CNTNAP2: variants seen among roughly 807,000 people sequenced by gnomAD.
CNTNAP2 encodes contactin-associated protein-like 2.
A neutral mutation model predicts 155.2 loss-of-function variants in CNTNAP2; 98 were observed. The observed-to-expected ratio is 0.63, with a 90% CI of 0.54 to 0.75. The LOEUF is 0.75. Among genes scored for constraint, CNTNAP2 ranks in the 30% least tolerant of loss-of-function variants. CNTNAP2 has a pLI of 0.00. For missense variants in CNTNAP2, 1,727 were observed against 1,688.1 expected (o/e 1.02, Z -0.40); for synonymous variants, 651 against 631.2 (o/e 1.03, Z -0.47).
intron 1 of CNTNAP2, among the ~76,000 whole-genome samples, chr7:146,657,174 G>A (rs1318350991): frequency 6.6e-6 from 1 of 152,130 alleles, no homozygotes; most frequent in Non-Finnish European, 1.5e-5. Context: ...ATTTGGGCTT[G>A]ACTTCTAACA....
intron 13 of CNTNAP2, among the ~76,000 whole-genome samples, chr7:147,813,482 C>A (rs1247222775): frequency 6.6e-6 from 1 of 152,172 alleles, no homozygotes; most frequent in Non-Finnish European, 1.5e-5. Flanking sequence ...CATTAATAGT[C>A]TCACAGTTGT....
intron 19 of CNTNAP2, among the ~76,000 whole-genome samples, chr7:148,225,911 G>A (rs1795839516): frequency 2.0e-5 from 3 of 152,148 alleles, no homozygotes; most frequent in Admixed American, 1.3e-4. Flanking sequence ...AACTGCAATG[G>A]AATACTTTTG....
chr7:146,914,819 A>G (rs1453877017), intron 3 of CNTNAP2, among the ~76,000 whole-genome samples: 1 of 150,862 alleles, frequency 6.6e-6, no homozygotes, highest in Non-Finnish European at 1.5e-5. Context: ...GGTTCCATCA[A>G]TTTATCTTTG....
rs1210394381 is a variant in CNTNAP2, at chr7:148,388,284, TCCCTCCC to T, written c.3715+4407_3715+4413del. On this transcript the variant is annotated intron_variant, in intron 22 of 23. Coordinates refer to ENST00000361727, the MANE Select transcript of CNTNAP2 (RefSeq NM_014141.6). ...GCATTAGGTATATCTCCCAGTGCTA[TCCCTCCC>T]CCCTCCCCCCACCCCACAATAGTCC... Among the ~76,000 whole-genome samples, 90 of 118,214 alleles carry T rather than the reference TCCCTCCC, an allele frequency of 7.6e-4. 1 individual carries two copies. Among genetic ancestry groups the T allele is most frequent in the African/African-American group, 2.2e-3 (71 of 31,572 alleles). The allele number at this position is 118,214 out of a possible 152,430, so 77.6% of individuals were successfully genotyped here.
intron 14 of CNTNAP2, among the ~76,000 whole-genome samples, chr7:147,908,737 G>A (rs1042526512): frequency 1.3e-5 from 2 of 152,150 alleles, no homozygotes; most frequent in African/African-American, 2.4e-5. Context: ...TGTAATGTCA[G>A]GGTAAAAATA....
chr7:147,169,082 A>C (rs769700717), intron 8 of CNTNAP2, among the ~76,000 whole-genome samples: 44 of 152,266 alleles, frequency 2.9e-4, no homozygotes, highest in East Asian at 7.7e-4. Context: ...TAATAAAATA[A>C]AAATATATGT....
chr7:146,809,438 T>A (rs1025469360), intron 2 of CNTNAP2, among the ~76,000 whole-genome samples: 5 of 152,162 alleles, frequency 3.3e-5, no homozygotes, highest in African/African-American at 9.7e-5. Context: ...GTCGGCTCAC[T>A]GCAAACTCAA....
chr7:147,436,223 A>G (rs1584947378), intron 10 of CNTNAP2, among the ~76,000 whole-genome samples: 1 of 152,262 alleles, frequency 6.6e-6, no homozygotes, highest in East Asian at 1.9e-4. Context: ...CACATATACC[A>G]ATTAGGTTAG....
rs189889922 is a variant in CNTNAP2, at chr7:147,794,696, G to A, written c.2099-108869G>A. 1.9e-3 allele frequency among the ~76,000 whole-genome samples: 284 copies of A among 151,260 alleles called. 1 individual carries two copies. The highest frequency in any genetic ancestry group is 6.5e-3 in the African/African-American group (270 of 41,346). Reference sequence around the variant, plus strand: ...CTTTTCTATGTTACGAGTTTGTTTTGCAGAAATCACCAGTGAAGCTTGTAC... The same window carrying A: ...CTTTTCTATGTTACGAGTTTGTTTTACAGAAATCACCAGTGAAGCTTGTAC... On this transcript the variant is annotated intron_variant, in intron 13 of 23. Coordinates refer to ENST00000361727, the MANE Select transcript of CNTNAP2 (RefSeq NM_014141.6).
At chr7:146,497,323 A>T (rs1263675763) in intron 1 of CNTNAP2, among the ~76,000 whole-genome samples, 1 of 152,184 alleles carries the variant, frequency 6.6e-6, no homozygotes, top group South Asian at 2.1e-4. Context: ...TTGTTTATCT[A>T]TCTATATCTG....
At chr7:148,077,958 CAG>C (rs1379315845) in intron 15 of CNTNAP2, among the ~76,000 whole-genome samples, 2 of 152,060 alleles carry the variant, frequency 1.3e-5, no homozygotes, top group Non-Finnish European at 2.9e-5. Flanking sequence ...GATTATACCA[CAG>C]AGTTACTATA....
At chr7:146,198,188 T>C (rs1265470645) in intron 1 of CNTNAP2, among the ~76,000 whole-genome samples, 1 of 152,160 alleles carries the variant, frequency 6.6e-6, no homozygotes, top group Non-Finnish European at 1.5e-5. Context: ...AATCATATCA[T>C]CAACTATCAC....
chr7:147,510,850 C>CATATACATATATATATATATATAT (rs1799003880), intron 11 of CNTNAP2, among the ~76,000 whole-genome samples: 2 of 76,436 alleles, frequency 2.6e-5, no homozygotes, highest in African/African-American at 1.2e-4. Flanking sequence ...GGCCTACAAC[C>CATATACATATATATATATATATAT]ATATATATAT....
chr7:146,715,070 C>A (rs532911042), intron 1 of CNTNAP2, among the ~76,000 whole-genome samples: 4 of 152,274 alleles, frequency 2.6e-5, no homozygotes, highest in Middle Eastern at 3.4e-3. Context: ...ATGGCTCACA[C>A]CTGTAATCCC....
chr7:146,230,735 G>T (rs1339844507), intron 1 of CNTNAP2, among the ~76,000 whole-genome samples: 1 of 152,276 alleles, frequency 6.6e-6, no homozygotes, highest in East Asian at 1.9e-4. Context: ...TAATCTATTG[G>T]CCGGGCACGG....
intron 1 of CNTNAP2, among the ~76,000 whole-genome samples, chr7:146,437,839 G>T (rs549956974): frequency 6.6e-6 from 1 of 150,806 alleles, no homozygotes; most frequent in Non-Finnish European, 1.5e-5. Context: ...AGTGGATTTT[G>T]GACTAAGACA....
At chr7:147,077,443 A>C (rs1003926754) in intron 4 of CNTNAP2, among the ~76,000 whole-genome samples, 2 of 152,168 alleles carry the variant, frequency 1.3e-5, no homozygotes, top group Non-Finnish European at 2.9e-5. Context: ...AAAAGACTCA[A>C]AGCAACACTG....
rs556199664 is a variant in CNTNAP2 at position 147,395,541 on chromosome 7, C to A, written c.1499-68C>A. Reference sequence around the variant, plus strand: ...GTGATGGCTGTGGCCAGGTAGAATACCCACAAGAATTTTAGTGAAGGTTAT... The same window carrying A: ...GTGATGGCTGTGGCCAGGTAGAATAACCACAAGAATTTTAGTGAAGGTTAT... On this transcript the variant is annotated intron_variant, in intron 9 of 23. Transcript: ENST00000361727. 21 of 1,496,068 alleles carry A rather than the reference C, an allele frequency of 1.4e-5. No homozygotes were observed. The African/African-American group carries it at 2.8e-4, about 20-fold the overall frequency. The allele number at this position is 1,496,068 out of a possible 1,614,324, so 92.7% of individuals were successfully genotyped here. A position where few individuals can be genotyped will look rare whatever the true frequency, so the allele number is the denominator to read the frequency against.
At position 148,217,280 on chromosome 7, in the gene CNTNAP2, TA is replaced by T. The variant is rs770811088; in HGVS notation, c.3011-7del. 4 of 1,613,942 alleles carry T rather than the reference TA, an allele frequency of 2.5e-6. No individual in the cohort carries two copies. Among genetic ancestry groups the T allele is most frequent in the Non-Finnish European group, 3.4e-6 (4 of 1,179,840 alleles). The stretch of plus-strand genomic sequence containing the variant: ...TCATTTTTCAATTCTCTCTCTCCTT[TA>T]TAACAGATGTTGGTGCATTTTTTGA... On this transcript the variant is annotated splice_polypyrimidine_tract_variant and splice_region_variant and intron_variant, in intron 18 of 23. Coordinates refer to ENST00000361727, the MANE Select transcript of CNTNAP2 (RefSeq NM_014141.6).
Sources: gnomAD v4.1 joint callset for allele counts (sites outside exome capture counted in the v4.1 genomes callset) on GRCh38, gnomAD v4.1.1 for gene constraint, MANE v1.5 for transcripts, NCBI Gene and HGNC (gene_info 2026-07-23, HGNC 2026-07-21) for gene names.